The following THSD7A variants were observed in gnomAD, a reference collection of about 807,000 sequenced individuals.
The protein encoded by THSD7A is thrombospondin type 1 domain containing 7A, also known as thrombospondin type-1 domain-containing protein 7A.
THSD7A carries 96 observed loss-of-function variants against 231.3 expected under a neutral mutation model. The observed-to-expected ratio is 0.41, with a 90% CI of 0.35 to 0.49. The LOEUF is 0.49. Among genes scored for constraint, THSD7A ranks in the 20% least tolerant of loss-of-function variants. THSD7A has a pLI of 0.05. For missense variants in THSD7A, 2,290 were observed against 2,070.2 expected, an observed-to-expected ratio of 1.11 and a Z score of -2.06; for synonymous variants, 940 against 743.3, an observed-to-expected ratio of 1.26 and a Z score of -4.30.
At chr7:11,388,320 G>A (rs1001284082) in intron 23 of THSD7A, among the ~76,000 whole-genome samples, 4 of 152,054 alleles carry the variant, frequency 2.6e-5, no homozygotes, top group African/African-American at 9.7e-5. Flanking sequence ...AATCCATCTG[G>A]TCCTGGACTT....
chr7:11,641,779 A>G (rs1165302626), intron 1 of THSD7A, among the ~76,000 whole-genome samples: 2 of 142,432 alleles, frequency 1.4e-5, no homozygotes, highest in East Asian at 3.9e-4. Context: ...TAATATAATA[A>G]AATAAATAAA....
intron 13 of THSD7A, among the ~76,000 whole-genome samples, chr7:11,442,140 T>C (rs548074279): frequency 6.6e-6 from 1 of 152,154 alleles, no homozygotes; most frequent in South Asian, 2.1e-4. Flanking sequence ...CTATATTTAA[T>C]ACCATGCATC....
At chr7:11,802,129 T>G (rs1784294115) in intron 1 of THSD7A, among the ~76,000 whole-genome samples, 1 of 152,156 alleles carries the variant, frequency 6.6e-6, no homozygotes, top group South Asian at 2.1e-4. Flanking sequence ...ATGAGAAATT[T>G]TCAACTTAAT....
chr7:11,442,048 C>T (rs1784823707), intron 13 of THSD7A, among the ~76,000 whole-genome samples: 1 of 151,944 alleles, frequency 6.6e-6, no homozygotes, highest in Non-Finnish European at 1.5e-5. Flanking sequence ...ATATTTCATA[C>T]CAAGAGTAAA....
intron 1 of THSD7A, among the ~76,000 whole-genome samples, chr7:11,769,139 A>ATTTT (rs1562541243): frequency 1.1e-4 from 4 of 36,738 alleles, no homozygotes; most frequent in Non-Finnish European, 2.5e-4. Context: ...ATATATATAT[A>ATTTT]TATATATATA....
chr7:11,734,567 T>A (rs1403896047), intron 1 of THSD7A, among the ~76,000 whole-genome samples: 5 of 151,982 alleles, frequency 3.3e-5, no homozygotes, highest in Admixed American at 2.0e-4. Flanking sequence ...ATTAATTCTT[T>A]GCTATTTTCC....
At chr7:11,740,038 G>T (rs1183099057) in intron 1 of THSD7A, among the ~76,000 whole-genome samples, 1 of 152,004 alleles carries the variant, frequency 6.6e-6, no homozygotes, top group Non-Finnish European at 1.5e-5. Context: ...GAGGGAGGAA[G>T]AAACTTTTAT....
intron 1 of THSD7A, among the ~76,000 whole-genome samples, chr7:11,674,487 T>C (rs1584190608): frequency 6.6e-6 from 1 of 152,072 alleles, no homozygotes; most frequent in Admixed American, 6.5e-5. Context: ...CCTAGTAGAA[T>C]TCATCCTGAA....
At chr7:11,766,074 A>C (rs528617606) in intron 1 of THSD7A, among the ~76,000 whole-genome samples, 1 of 152,170 alleles carries the variant, frequency 6.6e-6, no homozygotes, top group African/African-American at 2.4e-5. Context: ...ATACAACTAC[A>C]TATGTGTGGA....
chr7:11,550,633 C>T (rs970480093), intron 4 of THSD7A, among the ~76,000 whole-genome samples: 7 of 152,248 alleles, frequency 4.6e-5, no homozygotes, highest in African/African-American at 1.4e-4. Context: ...TTCTTGAGGC[C>T]TTCCCAGCGA....
intron 1 of THSD7A, chr7:11,820,578 G>A: frequency 1.4e-6 from 1 of 720,054 alleles, no homozygotes; most frequent in Non-Finnish European, 2.4e-6. Context: ...ATTGTTCCCA[G>A]AGTAGTTGCC....
At chr7:11,706,060 T>A (rs956964504) in intron 1 of THSD7A, among the ~76,000 whole-genome samples, 2 of 151,030 alleles carry the variant, frequency 1.3e-5, no homozygotes, top group African/African-American at 4.8e-5. Context: ...GTCTGGTTCT[T>A]ATAAAATGTT....
chr7:11,724,070 T>G (rs532123572), intron 1 of THSD7A, among the ~76,000 whole-genome samples: 1 of 151,838 alleles, frequency 6.6e-6, no homozygotes, highest in Non-Finnish European at 1.5e-5. Flanking sequence ...AGATGGTGAT[T>G]AGTTGTGTGA....
At chr7:11,735,419 T>G (rs1781883100) in intron 1 of THSD7A, among the ~76,000 whole-genome samples, 1 of 151,936 alleles carries the variant, frequency 6.6e-6, no homozygotes, top group Non-Finnish European at 1.5e-5. Flanking sequence ...CATAAGCACT[T>G]AAACAAACTT....
chr7:11,811,421 T>C (rs1476596141), intron 1 of THSD7A, among the ~76,000 whole-genome samples: 2 of 152,158 alleles, frequency 1.3e-5, no homozygotes, highest in Non-Finnish European at 2.9e-5. Context: ...TTTTTTACAT[T>C]GGCCCGAGAT....
intron 1 of THSD7A, among the ~76,000 whole-genome samples, chr7:11,668,857 T>C (rs1241319615): frequency 6.6e-6 from 1 of 152,192 alleles, no homozygotes; most frequent in Non-Finnish European, 1.5e-5. Flanking sequence ...TGGGCGCTAC[T>C]GGTTACTATA....
At chr7:11,685,322 A>T (rs1562475405) in intron 1 of THSD7A, among the ~76,000 whole-genome samples, 1 of 151,814 alleles carries the variant, frequency 6.6e-6, no homozygotes, top group South Asian at 2.1e-4. Flanking sequence ...TAGGTAAAAA[A>T]TTTATGACTA....
intron 6 of THSD7A, among the ~76,000 whole-genome samples, chr7:11,505,041 C>A (rs1033503480): frequency 6.6e-6 from 1 of 152,138 alleles, no homozygotes; most frequent in Non-Finnish European, 1.5e-5. Context: ...GATTGTCAAA[C>A]TTAACTTCAG....
Position 11,411,025 on chromosome 7 carries a change from T to C in THSD7A, c.3798+182A>G, listed in dbSNP as rs1783765975. On this transcript the variant is annotated intron_variant, in intron 19 of 27. Transcript: ENST00000423059. The surrounding 1 kb of genome is among the most constrained non-coding windows in gnomAD (Gnocchi z 4.1). ...CCAAGCAGAAGAAAATACAGGAAAT[T>C]ATATGTAGGAATCAGTAGTGTTGGA... 6.6e-6 allele frequency among the ~76,000 whole-genome samples: 1 copy of C among 151,884 alleles called. No homozygotes were observed. Among genetic ancestry groups the C allele is most frequent in the Non-Finnish European group, 1.5e-5 (1 of 68,012 alleles).
Sources: allele counts gnomAD v4.1 joint callset (sites outside exome capture counted in the v4.1 genomes callset), GRCh38; gene constraint gnomAD v4.1.1; non-coding constraint Gnocchi (gnomAD v3.1); transcripts MANE v1.5; gene names NCBI Gene and HGNC (gene_info 2026-07-23, HGNC 2026-07-21).